The following GRIP1 variants were observed in gnomAD, a reference collection of about 807,000 sequenced individuals.
GRIP1 encodes the protein glutamate receptor interacting protein 1.
Under a neutral mutation model 129.9 loss-of-function variants are expected in GRIP1, and 45 were observed. The observed-to-expected ratio is 0.35, with a 90% CI of 0.27 to 0.44. The LOEUF (loss-of-function observed/expected upper bound fraction) is 0.44, where lower values mean the gene tolerates loss of function less well. Ranked by LOEUF, GRIP1 falls within the 20% of genes least tolerant of loss-of-function variation. GRIP1 has a pLI of 1.00. For missense variants in GRIP1, 1,196 were observed against 1,396.8 expected, an observed-to-expected ratio of 0.86 and a Z score of 2.29; for synonymous variants, 530 against 520.8, an observed-to-expected ratio of 1.02 and a Z score of -0.24.
At chr12:66,630,055 AT>A (rs1701264148) in intron 1 of GRIP1, among the ~76,000 whole-genome samples, 1 of 94,728 alleles carries the variant, frequency 1.1e-5, no homozygotes, top group South Asian at 2.8e-4. Flanking sequence ...TGAAGAGAAT[AT>A]AAAAAAATTC....
chr12:66,444,098 T>C (rs1233589833), intron 13 of GRIP1, among the ~76,000 whole-genome samples: 2 of 152,224 alleles, frequency 1.3e-5, no homozygotes, highest in Admixed American at 6.5e-5. Flanking sequence ...TTTCAGTTGT[T>C]CTTGTGGTGA....
chr12:66,614,099 C>T (rs2064931771), intron 1 of GRIP1, among the ~76,000 whole-genome samples: 1 of 152,124 alleles, frequency 6.6e-6, no homozygotes, highest in Admixed American at 6.6e-5. Flanking sequence ...TTCCCTTTCT[C>T]CTCTTCCTTT....
chr12:66,941,736 A>G (rs2041589219), intron 1 of GRIP1, among the ~76,000 whole-genome samples: 1 of 152,222 alleles, frequency 6.6e-6, no homozygotes, highest in East Asian at 1.9e-4. Flanking sequence ...GATCATAAAT[A>G]TACTGATAAT....
chr12:66,363,176 T>C (rs2054886400), intron 23 of GRIP1, among the ~76,000 whole-genome samples: 1 of 114,284 alleles, frequency 8.8e-6, no homozygotes, highest in African/African-American at 3.4e-5. Flanking sequence ...CACACACATA[T>C]ATGTATATAT....
At chr12:66,707,417 T>A (rs543548516) in intron 1 of GRIP1, among the ~76,000 whole-genome samples, 1 of 149,990 alleles carries the variant, frequency 6.7e-6, no homozygotes, top group African/African-American at 2.5e-5. Flanking sequence ...GTCTCTAATG[T>A]ACGATTTAAA....
intron 23 of GRIP1, among the ~76,000 whole-genome samples, chr12:66,357,122 C>T (rs1291135487): frequency 6.6e-6 from 1 of 152,158 alleles, no homozygotes; most frequent in East Asian, 1.9e-4. Context: ...AGTGATCCGC[C>T]AGCCTTGGCC....
At chr12:66,871,567 CA>C (rs2040296906) in intron 1 of GRIP1, among the ~76,000 whole-genome samples, 1 of 151,982 alleles carries the variant, frequency 6.6e-6, no homozygotes, top group Non-Finnish European at 1.5e-5. Flanking sequence ...TGGCATATAA[CA>C]AAAACTCAAT....
chr12:66,955,133 C>T (rs1255632292), intron 1 of GRIP1, among the ~76,000 whole-genome samples: 1 of 152,098 alleles, frequency 6.6e-6, no homozygotes, highest in African/African-American at 2.4e-5. Flanking sequence ...TATACATAAA[C>T]CATCAGAGGT....
intron 1 of GRIP1, among the ~76,000 whole-genome samples, chr12:66,784,220 G>A (rs1355315923): frequency 6.6e-6 from 1 of 152,066 alleles, no homozygotes; most frequent in Non-Finnish European, 1.5e-5. Context: ...CCCCAAGGAT[G>A]ATAAATACGT....
chr12:66,624,833 T>C (rs2065418364), intron 1 of GRIP1, among the ~76,000 whole-genome samples: 1 of 152,300 alleles, frequency 6.6e-6, no homozygotes, highest in South Asian at 2.1e-4. Context: ...CATTTCCAAT[T>C]TAACTTGTTC....
intron 1 of GRIP1, among the ~76,000 whole-genome samples, chr12:67,003,310 T>A (rs188252782): frequency 6.6e-6 from 1 of 152,344 alleles, no homozygotes; most frequent in Non-Finnish European, 1.5e-5. Context: ...TTATGTTTTT[T>A]CATTTATAGT....
At position 66,635,200 on chromosome 12, in the gene GRIP1, T is replaced by C. The variant is rs149108663; in HGVS notation, c.56-38273A>G. On this transcript the variant is annotated intron_variant, in intron 1 of 24. Coordinates refer to ENST00000359742, the MANE Select transcript of GRIP1 (RefSeq NM_001366722.1). The stretch of plus-strand genomic sequence containing the variant: ...TTGGGAGGCTGAGGTAGGAAGATGG[T>C]TGAGGTCAGGGGTTCAAGACAACCC... 3.3e-3 allele frequency among the ~76,000 whole-genome samples: 498 copies of C among 152,160 alleles called. 2 individuals are homozygous for C. Among genetic ancestry groups the C allele is most frequent in the African/African-American group, 0.011 (465 of 41,536 alleles).
chr12:66,854,839 G>A (rs2039975088), intron 1 of GRIP1, among the ~76,000 whole-genome samples: 1 of 151,916 alleles, frequency 6.6e-6, no homozygotes, highest in African/African-American at 2.4e-5. Context: ...GTAAAATGGG[G>A]CCAACATTAC....
chr12:66,541,809 A>C lies in GRIP1; in HGVS notation c.272+6T>G. The C allele has an allele frequency of 6.2e-7, 1 of 1,613,846 alleles. No individual in the cohort carries two copies. The highest frequency in any genetic ancestry group is 8.5e-7 in the Non-Finnish European group (1 of 1,179,746). The stretch of plus-strand genomic sequence containing the variant: ...CTTTCAGTAGATTTCCCCAAGAGGC[A>C]GTTACCTAGCAGCAATTCCTCCTTG... On this transcript the variant is annotated splice_donor_region_variant and intron_variant, in intron 3 of 24. Coordinates refer to ENST00000359742, the MANE Select transcript of GRIP1 (RefSeq NM_001366722.1).
chr12:66,740,212 T>G (rs1296540127), intron 1 of GRIP1, among the ~76,000 whole-genome samples: 1 of 152,162 alleles, frequency 6.6e-6, no homozygotes, highest in Non-Finnish European at 1.5e-5. Flanking sequence ...CTTGCAAAAA[T>G]CACCGATTTT....
rs781315992 is a variant in GRIP1, at chr12:66,515,782, G to A, written c.579-18C>T. 260 of 1,609,872 alleles carry A rather than the reference G, an allele frequency of 1.6e-4. No individual in the cohort carries two copies. The highest frequency in any genetic ancestry group is 2.1e-4 in the Non-Finnish European group (252 of 1,176,474). ...TGCCCTCTCTGAAGGGAGAATAAAG[G>A]AATAGTCTTGATTAATTTAGCATAA... On this transcript the variant is annotated intron_variant, in intron 6 of 24. Transcript: ENST00000359742.
chr12:66,915,113 A>G (rs1012456011), intron 1 of GRIP1, among the ~76,000 whole-genome samples: 2 of 152,234 alleles, frequency 1.3e-5, no homozygotes, highest in Non-Finnish European at 2.9e-5. Context: ...AGACAAATAA[A>G]GTCCACATAT....
chr12:66,890,865 C>T (rs576682003), intron 1 of GRIP1, among the ~76,000 whole-genome samples: 13 of 152,156 alleles, frequency 8.5e-5, no homozygotes, highest in Non-Finnish European at 1.8e-4. Flanking sequence ...AGAATTGAAA[C>T]ACAGGCTGTG....
intron 24 of GRIP1, 66 bp downstream of exon 24, chr12:66,353,351 G>A (rs2054325426): frequency 9.2e-7 from 1 of 1,091,508 alleles, no homozygotes; most frequent in Non-Finnish European, 1.4e-6. Context: ...ATATGCAGGA[G>A]GATGTGGAGG....
Sources: gnomAD v4.1 joint callset for allele counts (sites outside exome capture counted in the v4.1 genomes callset) on GRCh38, gnomAD v4.1.1 for gene constraint, MANE v1.5 for transcripts, NCBI Gene and HGNC (gene_info 2026-07-23, HGNC 2026-07-21) for gene names.